The following SLC44A5 variants were observed in gnomAD, a reference collection of about 807,000 sequenced individuals.
SLC44A5 encodes the protein solute carrier family 44 member 5, also known as choline transporter-like protein 5.
Under a neutral mutation model 101.8 loss-of-function variants are expected in SLC44A5, and 57 were observed. That is an observed-to-expected ratio of 0.56 (90% CI 0.45 to 0.70). SLC44A5 has a LOEUF of 0.70. SLC44A5 is among the 30% of genes least tolerant of loss of function. The probability of loss-of-function intolerance (pLI) is 0.00; values close to 1 mark genes in which losing one functional copy is unlikely to be tolerated. For missense variants in SLC44A5, 737 were observed against 853.1 expected (o/e 0.86, Z 1.70); for synonymous variants, 281 against 290.9 (o/e 0.97, Z 0.35).
the SLC44A5 span, among the ~76,000 whole-genome samples, chr1:75,664,929 G>GAAAAAAAAA: frequency 2.3e-5 from 3 of 130,180 alleles, no homozygotes; most frequent in Non-Finnish European, 1.6e-5. Context: ...TCAAAAAAAA[G>GAAAAAAAAA]AAAAAAAAAA....
intron 2 of SLC44A5, among the ~76,000 whole-genome samples, chr1:75,462,578 G>C: frequency 6.6e-6 from 1 of 151,980 alleles, no homozygotes; most frequent in East Asian, 1.9e-4. Flanking sequence ...ACAGATATGC[G>C]ACCTTTCAGA....
At chr1:75,388,139 C>A in intron 3 of SLC44A5, among the ~76,000 whole-genome samples, 1 of 140,064 alleles carries the variant, frequency 7.1e-6, no homozygotes, top group Admixed American at 7.2e-5. Flanking sequence ...TGCAGCGCAC[C>A]AGCATGGCAC....
At chr1:75,339,496 C>A (rs1398878098) in intron 4 of SLC44A5, 86 bp downstream of exon 4, 1 of 1,055,320 alleles carries the variant, frequency 9.5e-7, no homozygotes, top group Non-Finnish European at 1.4e-6. Context: ...CAATTCTCCA[C>A]TGACTGGAAA....
intron 4 of SLC44A5, among the ~76,000 whole-genome samples, chr1:75,309,600 C>T (rs1230494179): frequency 6.6e-6 from 1 of 152,044 alleles, no homozygotes; most frequent in Non-Finnish European, 1.5e-5. Flanking sequence ...TACAAGTATG[C>T]TATTGGTAAA....
At chr1:75,219,925 T>C in intron 14 of SLC44A5, 33 bp from the exon 15 acceptor site, 2 of 1,426,908 alleles carry the variant, frequency 1.4e-6, no homozygotes, top group Non-Finnish European at 9.8e-7. Context: ...AATTCAATTG[T>C]TAAAACTAGA....
the SLC44A5 span, among the ~76,000 whole-genome samples, chr1:75,681,059 C>A: frequency 6.6e-6 from 1 of 151,092 alleles, no homozygotes; most frequent in Non-Finnish European, 1.5e-5. Flanking sequence ...AAGACTAAAC[C>A]AGGAAGAAGT....
intron 4 of SLC44A5, among the ~76,000 whole-genome samples, chr1:75,313,166 G>A (rs1487338401): frequency 6.6e-6 from 1 of 152,130 alleles, no homozygotes; most frequent in African/African-American, 2.4e-5. Context: ...ACACATGTCT[G>A]TTTTCCCGGG....
At chr1:75,672,312 G>C in the SLC44A5 span, among the ~76,000 whole-genome samples, 1 of 152,098 alleles carries the variant, frequency 6.6e-6, no homozygotes, top group Non-Finnish European at 1.5e-5. Context: ...CACAGTGATT[G>C]TAAGATTTGC....
At chr1:75,663,203 C>G in the SLC44A5 span, among the ~76,000 whole-genome samples, 1 of 152,058 alleles carries the variant, frequency 6.6e-6, no homozygotes. Context: ...AATCTTAACC[C>G]TCAATGTGAT....
At chr1:75,386,321 G>A (rs1158408991) in intron 3 of SLC44A5, among the ~76,000 whole-genome samples, 3 of 152,170 alleles carry the variant, frequency 2.0e-5, no homozygotes, top group Non-Finnish European at 4.4e-5. Context: ...CATTGTCTCA[G>A]CCGAAAATCT....
At chr1:75,611,758 T>C (rs1462831303), upstream of SLC44A5, among the ~76,000 whole-genome samples, 1 of 152,186 alleles carries the variant, frequency 6.6e-6, no homozygotes, top group Non-Finnish European at 1.5e-5. Context: ...AACATGCTCA[T>C]ATCAGGCTTC....
At chr1:75,278,902 CTTTA>C (rs1053677909) in intron 5 of SLC44A5, among the ~76,000 whole-genome samples, 3 of 151,946 alleles carry the variant, frequency 2.0e-5, no homozygotes, top group Admixed American at 6.6e-5. Context: ...ACTTTTATTA[CTTTA>C]TTTTATTTTA....
chr1:75,243,975 T>C (rs528525126), intron 7 of SLC44A5, among the ~76,000 whole-genome samples: 1 of 152,150 alleles, frequency 6.6e-6, no homozygotes, highest in South Asian at 2.1e-4. Flanking sequence ...ATCCTCTCTC[T>C]TGCTTCCTCA....
chr1:75,572,100 A>C (rs1673106432), intron 1 of SLC44A5, among the ~76,000 whole-genome samples: 1 of 152,250 alleles, frequency 6.6e-6, no homozygotes, highest in Non-Finnish European at 1.5e-5. Context: ...GCAAGATCTC[A>C]TTCATTTTAT....
intron 5 of SLC44A5, among the ~76,000 whole-genome samples, chr1:75,285,200 AT>A: frequency 6.6e-6 from 1 of 151,858 alleles, no homozygotes; most frequent in East Asian, 1.9e-4. Context: ...CAGAGTTTCT[AT>A]TTCTTCCTGG....
intron 4 of SLC44A5, among the ~76,000 whole-genome samples, chr1:75,317,971 T>C (rs1570659094): frequency 6.6e-6 from 1 of 152,290 alleles, no homozygotes; most frequent in Admixed American, 6.5e-5. Context: ...ACCAGGTAAG[T>C]AGCATTTCTC....
chr1:75,397,031 T>C (rs966293942), intron 2 of SLC44A5, among the ~76,000 whole-genome samples: 2 of 152,196 alleles, frequency 1.3e-5, no homozygotes, highest in African/African-American at 4.8e-5. Flanking sequence ...AAAAACTTAA[T>C]ATGCATTAAA....
At chr1:75,682,642 C>A in the SLC44A5 span, among the ~76,000 whole-genome samples, 1 of 151,724 alleles carries the variant, frequency 6.6e-6, no homozygotes, top group Non-Finnish European at 1.5e-5. Flanking sequence ...GACCTAAAAC[C>A]ATAAAAACCC....
intron 3 of SLC44A5, among the ~76,000 whole-genome samples, chr1:75,372,604 T>C (rs1442412221): frequency 1.3e-5 from 2 of 152,176 alleles, no homozygotes; most frequent in Non-Finnish European, 2.9e-5. Flanking sequence ...GAATCACATA[T>C]TGTTAGTAAA....
Sources: allele counts gnomAD v4.1 joint callset (sites outside exome capture counted in the v4.1 genomes callset), GRCh38; gene constraint gnomAD v4.1.1; transcripts MANE v1.5; gene names NCBI Gene and HGNC (gene_info 2026-07-23, HGNC 2026-07-21).